Variants in SLIT2 observed in about 807,000 individuals in gnomAD.
SLIT2 encodes the protein slit homolog 2 protein.
SLIT2 carries 41 observed loss-of-function variants against 185.7 expected under a neutral mutation model. The observed-to-expected ratio is 0.22, with a 90% confidence interval of 0.17 to 0.29. The LOEUF is 0.29. Among genes scored for constraint, SLIT2 ranks in the 10% least tolerant of loss-of-function variants. The pLI is 1.00. For missense variants in SLIT2, 1,571 were observed against 1,909.0 expected, an observed-to-expected ratio of 0.82 and a Z score of 3.30; for synonymous variants, 693 against 680.2, an observed-to-expected ratio of 1.02 and a Z score of -0.29.
intron 29 of SLIT2, 129 bp from the exon 30 acceptor site, chr4:20,589,515 G>A (rs1727332315): frequency 1.4e-6 from 1 of 709,872 alleles, no homozygotes; most frequent in Admixed American, 2.4e-5. Flanking sequence ...TTTGTTTTGG[G>A]TTTTTTGCTT....
chr4:20,461,137 C>T (rs1425270444), intron 4 of SLIT2, among the ~76,000 whole-genome samples: 2 of 152,068 alleles, frequency 1.3e-5, no homozygotes, highest in Non-Finnish European at 1.5e-5. Context: ...AGTTGGTCTG[C>T]GTCTTGAACA....
At chr4:20,447,171 A>C (rs555936765) in intron 4 of SLIT2, among the ~76,000 whole-genome samples, 1 of 152,348 alleles carries the variant, frequency 6.6e-6, no homozygotes, top group African/African-American at 2.4e-5. Flanking sequence ...ATTATCCATA[A>C]GATTCTGACT....
At chr4:20,594,166 T>C (rs192162515) in intron 30 of SLIT2, among the ~76,000 whole-genome samples, 42 of 149,532 alleles carry the variant, frequency 2.8e-4, no homozygotes, top group Admixed American at 1.1e-3. Flanking sequence ...TGTATGTGTG[T>C]ATATATGTAT....
Position 20,252,765 on chromosome 4 carries a change from A to G in SLIT2, c.-1051A>G, listed in dbSNP as rs933746614. 6.6e-6 allele frequency among the ~76,000 whole-genome samples: 1 copy of G among 151,906 alleles called. No homozygotes were observed. The highest frequency in any genetic ancestry group is 2.4e-5 in the African/African-American group (1 of 41,360). On this transcript the variant is annotated 5_prime_UTR_variant, in exon 1 of 37. Coordinates refer to ENST00000504154, the MANE Select transcript of SLIT2 (RefSeq NM_004787.4). ...CTGGAGTAGTGGATCCCACCCGCCC[A>G]CCTGCCACCGAGCCATTCTCCAGTA...
chr4:20,575,477 AACAACGATAAACC>A (rs769283016), intron 29 of SLIT2, among the ~76,000 whole-genome samples: 5 of 152,174 alleles, frequency 3.3e-5, no homozygotes, highest in African/African-American at 4.8e-5. Flanking sequence ...ACTTCTATGA[AACAACGATAAACC>A]ACTTATTCAA....
intron 4 of SLIT2, among the ~76,000 whole-genome samples, chr4:20,304,072 G>A (rs1437634662): frequency 2.0e-5 from 3 of 152,302 alleles, no homozygotes; most frequent in Admixed American, 2.0e-4. Flanking sequence ...TGAGGGCCTA[G>A]AGGCTTATGT....
intron 4 of SLIT2, among the ~76,000 whole-genome samples, chr4:20,284,657 A>G (rs1464725154): frequency 2.6e-5 from 4 of 152,238 alleles, no homozygotes; most frequent in African/African-American, 9.6e-5. Context: ...GCACTTATGC[A>G]TAGGTGACTT....
intron 4 of SLIT2, among the ~76,000 whole-genome samples, chr4:20,274,139 C>T (rs1018944266): frequency 3.3e-5 from 5 of 152,170 alleles, no homozygotes; most frequent in African/African-American, 4.8e-5. Flanking sequence ...GAATTATATA[C>T]TGATACTTTG....
intron 4 of SLIT2, among the ~76,000 whole-genome samples, chr4:20,387,839 G>A (rs1359417857): frequency 6.6e-6 from 1 of 152,004 alleles, no homozygotes; most frequent in Non-Finnish European, 1.5e-5. Context: ...CCTCCAGTAG[G>A]GTATGCAGCT....
chr4:20,319,247 T>G (rs1319843641), intron 4 of SLIT2, among the ~76,000 whole-genome samples: 1 of 152,302 alleles, frequency 6.6e-6, no homozygotes, highest in East Asian at 1.9e-4. Context: ...AATATTTCTC[T>G]TAAGTAGTTC....
chr4:20,605,816 G>A (rs1448828940), intron 33 of SLIT2, among the ~76,000 whole-genome samples: 5 of 150,492 alleles, frequency 3.3e-5, no homozygotes, highest in African/African-American at 4.9e-5. Flanking sequence ...GCACGGTCTC[G>A]GCTCACTGCA....
intron 6 of SLIT2, 109 bp from the exon 7 acceptor site, chr4:20,486,091 G>A: frequency 1.5e-6 from 1 of 688,774 alleles, no homozygotes. Context: ...TCTCTACCAG[G>A]TAGCTGTCCT....
chr4:20,289,024 G>A lies in SLIT2; in HGVS notation c.395+20143G>A, dbSNP rs184519400. On this transcript the variant is annotated intron_variant, in intron 4 of 36. Transcript: ENST00000504154. ...GATTGATTTAAACTAGTTGAGATACGTCTCTAGACTTTTGCATGGTTGTGT... is the reference window on the plus strand; with the variant it reads ...GATTGATTTAAACTAGTTGAGATACATCTCTAGACTTTTGCATGGTTGTGT... 4.6e-3 allele frequency among the ~76,000 whole-genome samples: 694 copies of A among 151,836 alleles called. 4 individuals are homozygous for A. The highest frequency in any genetic ancestry group is 5.3e-3 in the Non-Finnish European group (360 of 67,970).
intron 9 of SLIT2, among the ~76,000 whole-genome samples, chr4:20,501,477 T>C (rs1718732521): frequency 6.6e-6 from 1 of 151,748 alleles, no homozygotes; most frequent in Non-Finnish European, 1.5e-5. Context: ...AGAAGTGGGG[T>C]TTCACCTTGT....
At chr4:20,511,343 G>A (rs1009903584) in intron 11 of SLIT2, among the ~76,000 whole-genome samples, 1 of 151,486 alleles carries the variant, frequency 6.6e-6, no homozygotes, top group African/African-American at 2.4e-5. Context: ...ATTTTTAGGG[G>A]TGTATATTTT....
chr4:20,337,423 CCAGTGGGATACCCAGCACA>C (rs1309776485), intron 4 of SLIT2, among the ~76,000 whole-genome samples: 3 of 151,750 alleles, frequency 2.0e-5, no homozygotes, highest in Non-Finnish European at 2.9e-5. Flanking sequence ...TGGGTGCCTC[CCAGTGGGATACCCAGCACA>C]GTCAGTCCTT....
intron 4 of SLIT2, among the ~76,000 whole-genome samples, chr4:20,378,152 A>T (rs1724190736): frequency 2.0e-5 from 3 of 152,146 alleles, no homozygotes; most frequent in Admixed American, 2.0e-4. Context: ...TGTCCCAGTG[A>T]CTGTACAATT....
At chr4:20,434,979 G>A (rs1729250885) in intron 4 of SLIT2, among the ~76,000 whole-genome samples, 1 of 152,042 alleles carries the variant, frequency 6.6e-6, no homozygotes, top group Non-Finnish European at 1.5e-5. Context: ...ATTATTTATA[G>A]AATTATTAAT....
intron 4 of SLIT2, among the ~76,000 whole-genome samples, chr4:20,299,656 T>G (rs939203752): frequency 2.4e-5 from 2 of 84,928 alleles, no homozygotes; most frequent in East Asian, 1.2e-3. Flanking sequence ...CCTTTTTTTG[T>G]TTTTTTTTTT....
Sources: allele counts gnomAD v4.1 joint callset (sites outside exome capture counted in the v4.1 genomes callset), GRCh38; gene constraint gnomAD v4.1.1; transcripts MANE v1.5; gene names NCBI Gene and HGNC (gene_info 2026-07-23, HGNC 2026-07-21).